The following N4BP2 variants were observed in gnomAD, a reference collection of about 807,000 sequenced individuals.
N4BP2 encodes NEDD4-binding protein 2.
Under a neutral mutation model 152.8 loss-of-function variants are expected in N4BP2, and 91 were observed. The ratio of observed to expected loss-of-function variants is 0.60; its 90% CI spans 0.50 to 0.71. The LOEUF is 0.71. Ranked by LOEUF, N4BP2 falls within the 30% of genes least tolerant of loss-of-function variation. The pLI is 0.00. For missense variants in N4BP2, 1,923 were observed against 2,059.1 expected (o/e 0.93, Z 1.28); for synonymous variants, 646 against 705.3 (o/e 0.92, Z 1.33).
intron 1 of N4BP2, among the ~76,000 whole-genome samples, chr4:40,068,045 T>C (rs1711726564): frequency 6.6e-6 from 1 of 152,204 alleles, no homozygotes; most frequent in Non-Finnish European, 1.5e-5. Context: ...TATCTCATTG[T>C]GGTTTTAATT....
chr4:40,163,588 A>T, the N4BP2 span, among the ~76,000 whole-genome samples: 54 of 152,350 alleles, frequency 3.5e-4, no homozygotes, highest in African/African-American at 1.3e-3. Context: ...GTTCAGCAAG[A>T]CTTTGTGTCT....
chr4:40,097,934 T>TA (rs1157874251), intron 3 of N4BP2, among the ~76,000 whole-genome samples: 1 of 152,154 alleles, frequency 6.6e-6, no homozygotes, highest in East Asian at 1.9e-4. Context: ...CCCTGGCCTG[T>TA]ACACGCTAGA....
the N4BP2 span, among the ~76,000 whole-genome samples, chr4:40,183,337 ATT>A: frequency 0.034 from 4,706 of 139,942 alleles, 235 homozygotes; most frequent in African/African-American, 0.12. Context: ...TACTTTTTAC[ATT>A]TTTTTTTTTT....
intron 1 of N4BP2, among the ~76,000 whole-genome samples, chr4:40,068,241 T>C (rs558401904): frequency 6.6e-6 from 1 of 152,236 alleles, no homozygotes; most frequent in Non-Finnish European, 1.5e-5. Context: ...ATGTATGGTT[T>C]GCAAATATTT....
At position 40,157,604 on chromosome 4, in the gene N4BP2, T is replaced by C. The variant is rs1006584489; in HGVS notation, c.*3367T>C. ...ACGAAATGTATAAAAAAGACAAAAA[T>C]AACGTGTGCTGTTTTTTCCAAGTGC... On this transcript the variant is annotated 3_prime_UTR_variant, in exon 18 of 18. Coordinates refer to ENST00000261435, the MANE Select transcript of N4BP2 (RefSeq NM_018177.6). The C allele has an allele frequency of 1.3e-5, 2 of 152,110 alleles. No homozygotes were observed. The highest frequency in any genetic ancestry group is 2.9e-5 in the Non-Finnish European group (2 of 67,972). The allele number at this position is 152,110 out of a possible 1,614,324, so 9.4% of individuals were successfully genotyped here. A position where few individuals can be genotyped will look rare whatever the true frequency, so the allele number is the denominator to read the frequency against.
intron 17 of N4BP2, among the ~76,000 whole-genome samples, chr4:40,153,503 G>A (rs1293611734): frequency 2.6e-5 from 4 of 152,156 alleles, no homozygotes; most frequent in African/African-American, 9.7e-5. Context: ...TTCATTAAGT[G>A]ATAATTATTT....
chr4:40,127,792 C>G (rs1718553500), intron 12 of N4BP2, among the ~76,000 whole-genome samples: 2 of 152,086 alleles, frequency 1.3e-5, no homozygotes, highest in Non-Finnish European at 2.9e-5. Context: ...TCCTGAGTAT[C>G]TGGAACTACA....
downstream of N4BP2, among the ~76,000 whole-genome samples, chr4:40,159,942 C>T (rs996753617): frequency 6.6e-6 from 1 of 151,762 alleles, no homozygotes; most frequent in African/African-American, 2.4e-5. Context: ...GGTGCAGTCT[C>T]CCAAGTAGCT....
At chr4:40,060,193 A>G (rs544301427) in intron 1 of N4BP2, among the ~76,000 whole-genome samples, 3 of 151,980 alleles carry the variant, frequency 2.0e-5, no homozygotes, top group Non-Finnish European at 4.4e-5. Flanking sequence ...AAATTATTTT[A>G]TTAGAACTGT....
intron 2 of N4BP2, among the ~76,000 whole-genome samples, 183 bp from the exon 3 acceptor site, chr4:40,097,044 C>A (rs77202191): frequency 6.6e-6 from 1 of 152,012 alleles, no homozygotes; most frequent in Non-Finnish European, 1.5e-5. Flanking sequence ...TTGTTAACAT[C>A]TTAATTTTTA....
chr4:40,082,275 CAA>C (rs370100487), intron 2 of N4BP2, among the ~76,000 whole-genome samples: 7 of 95,016 alleles, frequency 7.4e-5, no homozygotes, highest in Non-Finnish European at 7.8e-5. Context: ...GACCCTGTCT[CAA>C]AAAAAAAAAA....
chr4:40,098,894 C>T (rs373347038), intron 3 of N4BP2, among the ~76,000 whole-genome samples: 3 of 152,176 alleles, frequency 2.0e-5, no homozygotes, highest in African/African-American at 7.2e-5. Context: ...TGTTATTATG[C>T]GTTTTTAACT....
At chr4:40,144,537 T>A in intron 15 of N4BP2, 95 bp from the exon 16 acceptor site, 1 of 972,868 alleles carries the variant, frequency 1.0e-6, no homozygotes, top group Middle Eastern at 2.2e-4. Context: ...TTATTCCCTT[T>A]TTCCCCCTTC....
intron 14 of N4BP2, among the ~76,000 whole-genome samples, chr4:40,140,959 A>G (rs906414954): frequency 1.3e-5 from 2 of 150,816 alleles, no homozygotes; most frequent in Non-Finnish European, 3.0e-5. Context: ...CTTAGTACAG[A>G]ACAAAATGAA....
Position 40,121,051 on chromosome 4 carries a change from C to G in N4BP2, c.2940C>G (p.Thr980=). The G allele has an allele frequency of 6.2e-7, 1 of 1,613,952 alleles. No homozygotes were observed. Residue 980 remains threonine (T), a synonymous_variant, in exon 9 of 18, where the codon ACC becomes ACG. Transcript: ENST00000261435. The part of the protein sequence containing the change: ...GQHTSLPLTF[T]NSAPTVSGVV... ...ACACATCGTTGCCTCTTACTTTTAC[C>G]AATAGTGCACCAACTGTTTCTGGAG...
the N4BP2 span, among the ~76,000 whole-genome samples, chr4:40,165,304 A>G: frequency 6.6e-6 from 1 of 152,086 alleles, no homozygotes; most frequent in Non-Finnish European, 1.5e-5. Context: ...GCTGGAGTAC[A>G]GTGGCACAAT....
chr4:40,124,535 C>A (rs1022879301), intron 11 of N4BP2, among the ~76,000 whole-genome samples: 1 of 151,928 alleles, frequency 6.6e-6, no homozygotes, highest in Non-Finnish European at 1.5e-5. Context: ...TTAGTAGAGA[C>A]GGGGTTTCAC....
At chr4:40,141,884 G>T (rs2110032595) in intron 14 of N4BP2, among the ~76,000 whole-genome samples, 2 of 152,326 alleles carry the variant, frequency 1.3e-5, no homozygotes, top group East Asian at 3.9e-4. Context: ...TTAGGAGCTG[G>T]AGACCAGCCC....
chr4:40,110,252 G>A (rs1299142527), intron 5 of N4BP2, among the ~76,000 whole-genome samples: 1 of 152,006 alleles, frequency 6.6e-6, no homozygotes, highest in African/African-American at 2.4e-5. Flanking sequence ...TCACTTTTTG[G>A]CTATTAAGAA....
Sources: allele counts gnomAD v4.1 joint callset (sites outside exome capture counted in the v4.1 genomes callset), GRCh38; gene constraint gnomAD v4.1.1; transcripts MANE v1.5; gene names NCBI Gene and HGNC (gene_info 2026-07-23, HGNC 2026-07-21).